Variants in ST3GAL5 observed in about 807,000 individuals in gnomAD.
ST3GAL5 encodes the protein lactosylceramide alpha-2,3-sialyltransferase.
ST3GAL5 carries 25 observed loss-of-function variants against 46.1 expected under a neutral mutation model. That is an observed-to-expected ratio of 0.54 (90% confidence interval 0.40 to 0.76). ST3GAL5 has a LOEUF of 0.76. Among genes scored for constraint, ST3GAL5 ranks in the 30% least tolerant of loss-of-function variants. The pLI is 0.00. For synonymous variants in ST3GAL5, 182 were observed against 192.7 expected (o/e 0.94, Z 0.46); for missense variants, 431 against 521.2 (o/e 0.83, Z 1.69).
intron 6 of ST3GAL5, among the ~76,000 whole-genome samples, chr2:85,842,146 C>T (rs1371744180): frequency 6.6e-6 from 1 of 152,166 alleles, no homozygotes; most frequent in Admixed American, 6.5e-5. Flanking sequence ...CTCCTTGATG[C>T]ATCTACCTCT....
Position 85,876,462 on chromosome 2 carries a change from CTT to C in ST3GAL5, c.82+12360_82+12361del, listed in dbSNP as rs59265377. On this transcript the variant is annotated intron_variant, in intron 1 of 6. Transcript: ENST00000638572. ...CTGTTTTCTTTTCTTTTTCTTTTTC[CTT>C]TTTTTTTTTTTTTTTTTGAGACGGA... is the stretch of plus-strand genomic sequence containing the variant. Among the ~76,000 whole-genome samples, 160 of 111,228 alleles carry C rather than the reference CTT, an allele frequency of 1.4e-3. 1 individual carries two copies. In the East Asian group the frequency reaches 0.016, roughly 11 times the overall value. The allele number at this position is 111,228 out of a possible 152,430, so 73.0% of individuals were successfully genotyped here.
chr2:85,842,329 A>T (rs973243576), intron 6 of ST3GAL5, among the ~76,000 whole-genome samples: 2 of 152,212 alleles, frequency 1.3e-5, no homozygotes, highest in African/African-American at 4.8e-5. Flanking sequence ...TCACACAGGG[A>T]ATATTCAATG....
intron 1 of ST3GAL5, among the ~76,000 whole-genome samples, chr2:85,875,214 C>T (rs1686400056): frequency 6.6e-6 from 1 of 152,026 alleles, no homozygotes; most frequent in Non-Finnish European, 1.5e-5. Flanking sequence ...TATACCACCA[C>T]ACCCGGCTAC....
intron 1 of ST3GAL5, chr2:85,887,673 C>A (rs573076365): frequency 2.5e-4 from 38 of 152,274 alleles, no homozygotes; most frequent in Non-Finnish European, 5.0e-4. Flanking sequence ...AGTGAAACCA[C>A]AACCTGTCCT....
rs1681867757 is a variant in ST3GAL5, at chr2:85,840,331, C to T, written c.1070G>A (p.Ser357Asn). 1.2e-6 allele frequency: 2 copies of T among 1,613,800 alleles called. No individual in the cohort carries two copies. Among genetic ancestry groups the T allele is most frequent in the African/African-American group, 2.7e-5 (2 of 74,914 alleles). The change falls in exon 7 of 7, where the codon AGT (serine) becomes AAT (asparagine). Residue 357 changes from serine to asparagine, a missense_variant. Coordinates refer to ENST00000638572, the MANE Select transcript of ST3GAL5 (RefSeq NM_003896.4). ...GAGGTCATATCCAAAACCCGCCAAA[C>T]TGACTTCATCGCACAGATGTGTGGC... Reference protein sequence around the residue: ...VLATHLCDEVSLAGFGYDLNQ... With the variant: ...VLATHLCDEVNLAGFGYDLNQ...
At chr2:85,867,216 C>T (rs180955665) in intron 1 of ST3GAL5, among the ~76,000 whole-genome samples, 8 of 152,336 alleles carry the variant, frequency 5.3e-5, no homozygotes, top group African/African-American at 1.9e-4. Flanking sequence ...GAATACTCTA[C>T]AGTCCTTAAG....
At chr2:85,887,197 G>A (rs1353092387) in intron 1 of ST3GAL5, among the ~76,000 whole-genome samples, 1 of 152,202 alleles carries the variant, frequency 6.6e-6, no homozygotes, top group Non-Finnish European at 1.5e-5. Context: ...AAGAACTAGA[G>A]GAGCAAACCA....
chr2:85,880,341 CAT>C (rs1411441252), intron 1 of ST3GAL5, among the ~76,000 whole-genome samples: 1 of 152,218 alleles, frequency 6.6e-6, no homozygotes, highest in East Asian at 1.9e-4. Flanking sequence ...CTAACTAAAA[CAT>C]ATAATTTTCT....
chr2:85,881,683 G>A (rs1687169365), intron 1 of ST3GAL5, among the ~76,000 whole-genome samples: 1 of 152,242 alleles, frequency 6.6e-6, no homozygotes, highest in Non-Finnish European at 1.5e-5. Flanking sequence ...AAATTTCTAA[G>A]CAGGAAAGCA....
intron 5 of ST3GAL5, chr2:85,844,825 A>G (rs767407635): frequency 3.5e-5 from 18 of 508,548 alleles, no homozygotes; most frequent in Non-Finnish European, 6.4e-5. Context: ...GACATTCCTC[A>G]ATGGTGCTAA....
rs762258099 is a variant in ST3GAL5 at position 85,863,417 on chromosome 2, TG to T, written c.150del (p.Tyr50Ter). 2.5e-6 allele frequency: 4 copies of T among 1,614,204 alleles called. No individual in the cohort carries two copies. In the East Asian group the frequency reaches 8.9e-5, roughly 36 times the overall value. On this transcript the variant is annotated frameshift_variant, in exon 2 of 7. Transcript: ENST00000638572. LOFTEE classifies it high-confidence loss of function. ...SDCSRPSLQW[Y>X]TRAQSKMRRP... ...CTTCTCATCTTGCTTTGAGCTCGGG[TG>T]TACCATTGCAGGGAAGGCCTCGAGC... is the stretch of plus-strand genomic sequence containing the variant.
At position 85,874,788 on chromosome 2, in the gene ST3GAL5, C is replaced by T. The variant is rs117664545; in HGVS notation, c.83-11303G>A. On this transcript the variant is annotated intron_variant, in intron 1 of 6. Transcript: ENST00000638572. ...GTGAATGAACAGAAGAATGAATGAT[C>T]AGTGGCCTGCAACTAGATCCCCACA... Among the ~76,000 whole-genome samples the T allele has an allele frequency of 1.8e-3, 279 of 151,150 alleles. 2 individuals carry two copies. The East Asian group carries it at 0.047, about 25-fold the overall frequency.
chr2:85,875,722 G>A (rs989197945), intron 1 of ST3GAL5, among the ~76,000 whole-genome samples: 2 of 152,308 alleles, frequency 1.3e-5, no homozygotes, highest in South Asian at 4.1e-4. Flanking sequence ...CAGAGTGGAG[G>A]TTGAGAGACA....
chr2:85,853,698 C>T (rs966600211), intron 3 of ST3GAL5: 4 of 153,932 alleles, frequency 2.6e-5, no homozygotes, highest in Non-Finnish European at 4.3e-5. Context: ...GGAGCTGCTT[C>T]GTGCTTAGTG....
intron 3 of ST3GAL5, among the ~76,000 whole-genome samples, chr2:85,857,814 G>A (rs539862522): frequency 3.2e-4 from 49 of 152,244 alleles, no homozygotes; most frequent in Admixed American, 9.8e-4. Flanking sequence ...CGGCCACAGT[G>A]GGGCATGGCT....
At chr2:85,861,046 T>G in intron 3 of ST3GAL5, 135 bp downstream of exon 3, 6 of 704,600 alleles carry the variant, frequency 8.5e-6, no homozygotes, top group Non-Finnish European at 1.3e-5. Context: ...TTTGGAGTGC[T>G]GAGATTAAGT....
At chr2:85,852,955 G>C in intron 3 of ST3GAL5, 1 of 1,304,262 alleles carries the variant, frequency 7.7e-7, no homozygotes, top group Non-Finnish European at 1.0e-6. Flanking sequence ...CTCACTGAAT[G>C]CTTCAGCAGG....
intron 1 of ST3GAL5, among the ~76,000 whole-genome samples, chr2:85,868,675 GT>G (rs1301057248): frequency 2.0e-5 from 3 of 150,382 alleles, no homozygotes; most frequent in Non-Finnish European, 4.4e-5. Flanking sequence ...CTGGAGTGCA[GT>G]GGCGTGATCT....
intron 1 of ST3GAL5, among the ~76,000 whole-genome samples, chr2:85,878,268 G>A (rs1686787394): frequency 6.6e-6 from 1 of 152,116 alleles, no homozygotes; most frequent in Non-Finnish European, 1.5e-5. Flanking sequence ...AATAATATAA[G>A]AACAGAACAT....
Sources: gnomAD v4.1 joint callset for allele counts (sites outside exome capture counted in the v4.1 genomes callset) on GRCh38, gnomAD v4.1.1 for gene constraint, MANE v1.5 for transcripts, NCBI Gene and HGNC (gene_info 2026-07-23, HGNC 2026-07-21) for gene names.